Variants in COL5A2 observed in about 807,000 individuals in gnomAD.
COL5A2 encodes the protein collagen alpha-2(V) chain.
COL5A2 carries 23 observed loss-of-function variants against 208.2 expected under a neutral mutation model. The observed-to-expected ratio is 0.11, with a 90% confidence interval of 0.08 to 0.16. The LOEUF is 0.16. Among genes scored for constraint, COL5A2 ranks in the 10% least tolerant of loss-of-function variants. COL5A2 has a pLI of 1.00. For missense variants in COL5A2, 1,590 were observed against 1,956.4 expected (o/e 0.81, Z 3.53); for synonymous variants, 625 against 628.5 (o/e 0.99, Z 0.08).
the COL5A2 span, among the ~76,000 whole-genome samples, chr2:189,295,971 G>C: frequency 6.6e-6 from 1 of 151,706 alleles, no homozygotes; most frequent in Non-Finnish European, 1.5e-5. Context: ...TATTCTTCTT[G>C]GGATTTTTTG....
the COL5A2 span, among the ~76,000 whole-genome samples, chr2:189,420,796 C>T: frequency 2.6e-5 from 4 of 152,064 alleles, no homozygotes; most frequent in Non-Finnish European, 4.4e-5. Flanking sequence ...ATACTTTTTA[C>T]AGTCTGTTTC....
At chr2:189,088,833 C>T (rs546284104) in intron 7 of COL5A2, 61 bp from the exon 8 acceptor site, 2 of 1,223,130 alleles carry the variant, frequency 1.6e-6, no homozygotes. Context: ...ACGTCCTTTT[C>T]ATATGGATAA....
At chr2:189,052,089 T>C in intron 41 of COL5A2, 83 bp downstream of exon 41, 2 of 1,153,558 alleles carry the variant, frequency 1.7e-6, no homozygotes, top group Admixed American at 2.1e-5. Context: ...AGAAATTAAA[T>C]AAAATAATAA....
intron 42 of COL5A2, 91 bp from the exon 43 acceptor site, chr2:189,050,767 T>C: frequency 9.2e-7 from 1 of 1,090,324 alleles, no homozygotes; most frequent in Non-Finnish European, 1.4e-6. Context: ...CTTTACAGGT[T>C]TTTCAGTATG....
chr2:189,075,361 T>G, intron 17 of COL5A2, 32 bp downstream of exon 17: 1 of 1,478,046 alleles, frequency 6.8e-7, no homozygotes, highest in Non-Finnish European at 9.5e-7. Flanking sequence ...ATGAATAAAT[T>G]AATGAATTAA....
intron 1 of COL5A2, among the ~76,000 whole-genome samples, chr2:189,212,861 TTAAA>T (rs1374353490): frequency 1.0e-5 from 1 of 100,072 alleles, no homozygotes; most frequent in Non-Finnish European, 1.9e-5. Flanking sequence ...AAATATAGTG[TTAAA>T]TATATATATA....
chr2:189,221,517 G>T (rs375623026), intron 1 of COL5A2, among the ~76,000 whole-genome samples: 1 of 151,848 alleles, frequency 6.6e-6, no homozygotes, highest in South Asian at 2.1e-4. Flanking sequence ...AGAATGAAAG[G>T]CTAAAATAAT....
chr2:189,323,463 T>C, the COL5A2 span, among the ~76,000 whole-genome samples: 1 of 152,162 alleles, frequency 6.6e-6, no homozygotes, highest in Non-Finnish European at 1.5e-5. Context: ...GATAAGCAAC[T>C]TCAGCAAAGT....
chr2:189,310,840 A>T, the COL5A2 span, among the ~76,000 whole-genome samples: 1 of 152,270 alleles, frequency 6.6e-6, no homozygotes. Flanking sequence ...GACAAACATC[A>T]CATGTTCTCA....
the COL5A2 span, among the ~76,000 whole-genome samples, chr2:189,271,337 C>A: frequency 6.6e-6 from 1 of 151,970 alleles, no homozygotes; most frequent in African/African-American, 2.4e-5. Context: ...AGAACAGAGA[C>A]CTCAGAAATA....
At chr2:189,073,041 T>C (rs1461841179) in intron 17 of COL5A2, among the ~76,000 whole-genome samples, 3 of 152,148 alleles carry the variant, frequency 2.0e-5, no homozygotes, top group Non-Finnish European at 4.4e-5. Flanking sequence ...TTTTGTTTCC[T>C]ACTTATGAGA....
At chr2:189,193,812 T>A (rs901488043) in intron 1 of COL5A2, among the ~76,000 whole-genome samples, 1 of 152,134 alleles carries the variant, frequency 6.6e-6, no homozygotes, top group Non-Finnish European at 1.5e-5. Context: ...CAGCTACAAA[T>A]CTGCATAAGG....
chr2:189,034,823 A>G (rs1685409885), intron 53 of COL5A2, 93 bp downstream of exon 53: 1 of 1,478,268 alleles, frequency 6.8e-7, no homozygotes, highest in South Asian at 1.2e-5. Flanking sequence ...TATACAAGGT[A>G]AAATTGCCCC....
At chr2:189,438,174 A>C in the COL5A2 span, among the ~76,000 whole-genome samples, 1 of 151,456 alleles carries the variant, frequency 6.6e-6, no homozygotes, top group African/African-American at 2.4e-5. Context: ...CTACAAACTT[A>C]TTATGATGGC....
At chr2:189,326,151 T>C in the COL5A2 span, among the ~76,000 whole-genome samples, 1 of 151,664 alleles carries the variant, frequency 6.6e-6, no homozygotes, top group Non-Finnish European at 1.5e-5. Context: ...GAGAATTGTA[T>C]GTGAGATCAC....
the COL5A2 span, among the ~76,000 whole-genome samples, chr2:189,283,887 A>G: frequency 6.6e-6 from 1 of 152,196 alleles, no homozygotes; most frequent in Non-Finnish European, 1.5e-5. Context: ...AAAATACCAC[A>G]TGAATCCAGA....
chr2:189,033,682 A>G lies in COL5A2; in HGVS notation c.*388T>C, dbSNP rs763651401. On this transcript the variant is annotated 3_prime_UTR_variant, in exon 54 of 54. Transcript: ENST00000374866. ...ATAAACATGTGTTGTGGCTCTATATACCCCACTCTTTAAGCTACCTGCCAG... is the reference window on the plus strand; with the variant it reads ...ATAAACATGTGTTGTGGCTCTATATGCCCCACTCTTTAAGCTACCTGCCAG... The G allele has an allele frequency of 6.9e-5, 19 of 274,814 alleles. No homozygotes were observed. Among genetic ancestry groups the G allele is most frequent in the Admixed American group, 3.4e-4 (7 of 20,790 alleles). 17.0% of individuals were successfully genotyped at this position (274,814 alleles called of 1,614,324 possible).
the COL5A2 span, among the ~76,000 whole-genome samples, chr2:189,402,405 G>C: frequency 6.6e-6 from 1 of 152,124 alleles, no homozygotes; most frequent in African/African-American, 2.4e-5. Flanking sequence ...TTTTTTAGTA[G>C]AGATGGGGTT....
Position 189,033,927 on chromosome 2 carries a change from G to A in COL5A2, c.*143C>T, listed in dbSNP as rs1685388863. 4.0e-6 allele frequency: 4 copies of A among 1,000,010 alleles called. No homozygotes were observed. The highest frequency in any genetic ancestry group is 2.4e-5 in the East Asian group (1 of 41,592). 61.9% of individuals were successfully genotyped at this position (1,000,010 alleles called of 1,614,324 possible). ...ATATTCTGAAGGATAAGGAGGCCAG[G>A]CACTTAAGACCATATATACAATGCT... On this transcript the variant is annotated 3_prime_UTR_variant, in exon 54 of 54. Transcript: ENST00000374866.
Sources: allele counts gnomAD v4.1 joint callset (sites outside exome capture counted in the v4.1 genomes callset), GRCh38; gene constraint gnomAD v4.1.1; transcripts MANE v1.5; gene names NCBI Gene and HGNC (gene_info 2026-07-23, HGNC 2026-07-21).